PLAC8L1: variants seen among roughly 807,000 people sequenced by gnomAD.
PLAC8L1 encodes PLAC8 like 1.
In PLAC8L1, 13 loss-of-function variants were observed where a neutral mutation model predicts 16.3. The observed-to-expected ratio is 0.80, with a 90% confidence interval of 0.52 to 1.27. The LOEUF (loss-of-function observed/expected upper bound fraction) is 1.27, where lower values mean the gene tolerates loss of function less well. Ranked by LOEUF, PLAC8L1 falls within the 50% of genes most tolerant of loss-of-function variation. The pLI, the probability that PLAC8L1 is intolerant of heterozygous loss-of-function variation, is 0.00. For synonymous variants in PLAC8L1, 78 were observed against 79.3 expected, an observed-to-expected ratio of 0.98 and a Z score of 0.09; for missense variants, 184 against 220.2, an observed-to-expected ratio of 0.84 and a Z score of 1.04.
At chr5:146,086,808 A>C (rs1317327078) in intron 2 of PLAC8L1, among the ~76,000 whole-genome samples, 1 of 152,244 alleles carries the variant, frequency 6.6e-6, no homozygotes, top group Non-Finnish European at 1.5e-5. Context: ...AACTCTGATG[A>C]ATGCAAATAA....
At chr5:146,101,562 C>T (rs1240418905) in intron 1 of PLAC8L1, among the ~76,000 whole-genome samples, 1 of 152,180 alleles carries the variant, frequency 6.6e-6, no homozygotes, top group Non-Finnish European at 1.5e-5. Context: ...CCCACTATCC[C>T]GCACACTACC....
intron 2 of PLAC8L1, among the ~76,000 whole-genome samples, chr5:146,087,581 C>T (rs1203354845): frequency 1.3e-5 from 2 of 152,144 alleles, no homozygotes; most frequent in Non-Finnish European, 2.9e-5. Flanking sequence ...TGCGGTGGCA[C>T]GATCATGGCT....
Position 146,098,034 on chromosome 5 carries a change from T to C in PLAC8L1, c.256+122A>G, listed in dbSNP as rs569008065. 1.1e-4 allele frequency: 123 copies of C among 1,167,704 alleles called. No homozygotes were observed. In the African/African-American group the frequency reaches 1.3e-3, roughly 12 times the overall value. The allele number at this position is 1,167,704 out of a possible 1,614,324, so 72.3% of individuals were successfully genotyped here. ...GGAGTACATTTGAGTCACTGAAAGATTAGTCCAGTTATTCTGAAAACATTT... is the reference window on the plus strand; with the variant it reads ...GGAGTACATTTGAGTCACTGAAAGACTAGTCCAGTTATTCTGAAAACATTT... On this transcript the variant is annotated intron_variant, in intron 2 of 3. Coordinates refer to ENST00000311450, the MANE Select transcript of PLAC8L1 (RefSeq NM_001029869.3).
intron 2 of PLAC8L1, among the ~76,000 whole-genome samples, chr5:146,088,827 G>T (rs1365124626): frequency 1.3e-5 from 2 of 152,070 alleles, no homozygotes; most frequent in Non-Finnish European, 2.9e-5. Context: ...GACAGCAAAT[G>T]GTCCAGTAAA....
intron 2 of PLAC8L1, among the ~76,000 whole-genome samples, chr5:146,093,328 T>G (rs1367995901): frequency 6.6e-6 from 1 of 152,050 alleles, no homozygotes; most frequent in African/African-American, 2.4e-5. Context: ...ACAAAAAAGG[T>G]AGGTACTTTT....
At chr5:146,103,923 CTAAAAA>C (rs1763864357) in intron 1 of PLAC8L1, 1 of 985,256 alleles carries the variant, frequency 1.0e-6, no homozygotes, top group Non-Finnish European at 1.2e-6. Flanking sequence ...TTGGCAGTCT[CTAAAAA>C]TAAAGTTCCA....
chr5:146,085,157 C>G (rs1056610364), intron 3 of PLAC8L1, among the ~76,000 whole-genome samples: 26 of 152,132 alleles, frequency 1.7e-4, no homozygotes, highest in African/African-American at 6.3e-4. Context: ...GTGGCTCACA[C>G]CTGTAATCGC....
intron 1 of PLAC8L1, among the ~76,000 whole-genome samples, chr5:146,099,197 C>A (rs947782877): frequency 6.6e-6 from 1 of 152,068 alleles, no homozygotes; most frequent in Non-Finnish European, 1.5e-5. Flanking sequence ...GGTAGAAGGG[C>A]CCTAGAATGA....
intron 2 of PLAC8L1, 43 bp downstream of exon 2, chr5:146,098,108 GGAAAA>G: frequency 6.4e-7 from 1 of 1,570,914 alleles, no homozygotes; most frequent in Non-Finnish European, 8.7e-7. Flanking sequence ...CTGATGTCCT[GGAAAA>G]GAAAATAGTA....
At position 146,100,344 on chromosome 5, in the gene PLAC8L1, GA is replaced by G. The variant is rs375688379; in HGVS notation, c.120-2053del. 9.1e-4 allele frequency among the ~76,000 whole-genome samples: 138 copies of G among 152,194 alleles called. 2 individuals carry two copies. In the South Asian group the frequency reaches 0.028, roughly 31 times the overall value. ...GTCTGGAAGTATGAAGTGGAACTAT[GA>G]AATACCCCCAGCCCTTTTATCCATT... On this transcript the variant is annotated intron_variant, in intron 1 of 3. Transcript: ENST00000311450.
chr5:146,084,526 A>C lies in PLAC8L1; in HGVS notation c.440T>G (p.Phe147Cys). 1.2e-6 allele frequency: 2 copies of C among 1,614,122 alleles called. No homozygotes were observed. Among genetic ancestry groups the C allele is most frequent in the Non-Finnish European group, 1.7e-6 (2 of 1,180,028 alleles). ...TTCCCGGGCCACCTGGCAGATGGAA[A>C]AAGCCCAACAGCAGTGCACCGCCAG... The part of the protein sequence containing the change: ...DWLAVHCCWA[F>C]SICQVARELK... Residue 147 changes from phenylalanine to cysteine, a missense_variant, in exon 4 of 4, where the codon TTT (phenylalanine) becomes TGT (cysteine). Physicochemically the swap from Phe to Cys is radical, Grantham distance 205. Coordinates refer to ENST00000311450, the MANE Select transcript of PLAC8L1 (RefSeq NM_001029869.3).
At chr5:146,086,956 TCA>T (rs1166620523) in intron 2 of PLAC8L1, among the ~76,000 whole-genome samples, 2 of 152,198 alleles carry the variant, frequency 1.3e-5, no homozygotes, top group Non-Finnish European at 2.9e-5. Flanking sequence ...GTGTCAACAA[TCA>T]CATACACCCA....
intron 1 of PLAC8L1, among the ~76,000 whole-genome samples, chr5:146,100,115 T>TA (rs1487601923): frequency 5.2e-4 from 79 of 152,306 alleles, no homozygotes; most frequent in African/African-American, 1.9e-3. Context: ...ACACTAATGA[T>TA]GGTGACTGCA....
intron 2 of PLAC8L1, among the ~76,000 whole-genome samples, chr5:146,090,779 G>T (rs575250983): frequency 1.6e-4 from 24 of 152,092 alleles, no homozygotes; most frequent in African/African-American, 5.8e-4. Context: ...CAGGCCGGGC[G>T]CAGTAGCTCA....
chr5:146,086,903 A>G (rs1452524817), intron 2 of PLAC8L1, among the ~76,000 whole-genome samples: 2 of 152,232 alleles, frequency 1.3e-5, no homozygotes, highest in African/African-American at 4.8e-5. Context: ...GGCATAATTT[A>G]TATATAAGAA....
chr5:146,097,714 T>G (rs1763741357), intron 2 of PLAC8L1, among the ~76,000 whole-genome samples: 1 of 152,354 alleles, frequency 6.6e-6, no homozygotes, highest in African/African-American at 2.4e-5. Flanking sequence ...CTGTAATAAC[T>G]AATGCTGCAA....
intron 3 of PLAC8L1, among the ~76,000 whole-genome samples, chr5:146,085,035 T>C (rs1018628338): frequency 6.6e-6 from 1 of 151,512 alleles, no homozygotes; most frequent in Non-Finnish European, 1.5e-5. Context: ...TCCAGATACA[T>C]TCTATGTCTA....
intron 1 of PLAC8L1, among the ~76,000 whole-genome samples, chr5:146,100,123 G>A (rs1763789492): frequency 6.6e-6 from 1 of 152,196 alleles, no homozygotes; most frequent in Non-Finnish European, 1.5e-5. Context: ...GATGGTGACT[G>A]CAGTAGTCTC....
intron 2 of PLAC8L1, among the ~76,000 whole-genome samples, chr5:146,087,011 T>C (rs186243350): frequency 2.3e-4 from 35 of 152,230 alleles, no homozygotes; most frequent in African/African-American, 8.2e-4. Flanking sequence ...CCAGAGCTCC[T>C]GTGTCCTTTT....
Sources: gnomAD v4.1 joint callset for allele counts (sites outside exome capture counted in the v4.1 genomes callset) on GRCh38, gnomAD v4.1.1 for gene constraint, MANE v1.5 for transcripts, NCBI Gene and HGNC (gene_info 2026-07-23, HGNC 2026-07-21) for gene names.